GRID2: variants seen among roughly 807,000 people sequenced by gnomAD.
The protein encoded by GRID2 is glutamate ionotropic receptor delta type subunit 2, also known as glutamate receptor ionotropic, delta-2.
GRID2 carries 33 observed loss-of-function variants against 114.8 expected under a neutral mutation model. The observed-to-expected ratio is 0.29, with a 90% confidence interval of 0.22 to 0.38. The LOEUF is 0.38. GRID2 is among the 10% of genes least tolerant of loss of function. GRID2 has a pLI of 1.00. For synonymous variants in GRID2, 505 were observed against 449.9 expected (o/e 1.12, Z -1.55); for missense variants, 1,184 against 1,257.7 (o/e 0.94, Z 0.89).
chr4:93,218,714 A>G (rs911137618), intron 6 of GRID2, among the ~76,000 whole-genome samples: 4 of 152,084 alleles, frequency 2.6e-5, no homozygotes, highest in African/African-American at 9.7e-5. Context: ...TTCCACCCTT[A>G]TCTATATGTG....
At chr4:92,415,331 T>G (rs1731543372) in intron 1 of GRID2, among the ~76,000 whole-genome samples, 1 of 151,942 alleles carries the variant, frequency 6.6e-6, no homozygotes, top group Non-Finnish European at 1.5e-5. Flanking sequence ...TTATTATTAT[T>G]ATTTTAATAG....
chr4:92,439,251 A>G (rs1189619184), intron 1 of GRID2, among the ~76,000 whole-genome samples: 4 of 151,982 alleles, frequency 2.6e-5, no homozygotes, highest in Non-Finnish European at 4.4e-5. Flanking sequence ...AGGACCGGCC[A>G]TTTACACTTC....
At chr4:93,512,519 A>G (rs928021120) in intron 12 of GRID2, among the ~76,000 whole-genome samples, 1 of 152,046 alleles carries the variant, frequency 6.6e-6, no homozygotes, top group Non-Finnish European at 1.5e-5. Flanking sequence ...CTTTGGTGCT[A>G]TCTTAGTGTG....
At chr4:93,132,423 T>C (rs1256509161) in intron 4 of GRID2, among the ~76,000 whole-genome samples, 1 of 152,188 alleles carries the variant, frequency 6.6e-6, no homozygotes, top group Non-Finnish European at 1.5e-5. Context: ...TCAGGTTGCT[T>C]CACTTCCTGG....
intron 2 of GRID2, among the ~76,000 whole-genome samples, chr4:92,765,516 T>C (rs187739648): frequency 0.011 from 1,620 of 152,268 alleles, 12 homozygotes; most frequent in Non-Finnish European, 0.016. Flanking sequence ...CAAGCTATTT[T>C]TTTTTTTTGA....
At chr4:93,682,705 C>G (rs146030002) in intron 14 of GRID2, among the ~76,000 whole-genome samples, 349 of 150,118 alleles carry the variant, frequency 2.3e-3, no homozygotes, top group Non-Finnish European at 2.7e-3. Flanking sequence ...ACCATATGTT[C>G]TCACTCATAG....
chr4:93,519,989 A>C (rs2149496885), intron 13 of GRID2, among the ~76,000 whole-genome samples: 1 of 152,242 alleles, frequency 6.6e-6, no homozygotes, highest in African/African-American at 2.4e-5. Context: ...GAAGTATTAA[A>C]ATGGAAGCCA....
chr4:93,114,832 G>A (rs997234245), intron 4 of GRID2, among the ~76,000 whole-genome samples: 30 of 152,294 alleles, frequency 2.0e-4, no homozygotes, highest in African/African-American at 7.0e-4. Context: ...AATTATTTCT[G>A]TGTGACCTAG....
At chr4:93,129,367 G>A (rs570437640) in intron 4 of GRID2, among the ~76,000 whole-genome samples, 1 of 152,000 alleles carries the variant, frequency 6.6e-6, no homozygotes, top group Non-Finnish European at 1.5e-5. Flanking sequence ...TTGTTTGTTT[G>A]TTTGTTTTTG....
intron 1 of GRID2, among the ~76,000 whole-genome samples, chr4:93,801,160 TTAATC>T (rs1578802103): frequency 6.6e-6 from 1 of 152,118 alleles, no homozygotes; most frequent in Non-Finnish European, 1.5e-5. Flanking sequence ...AAGTAAGCAA[TTAATC>T]TAATTTATAT....
intron 8 of GRID2, among the ~76,000 whole-genome samples, chr4:93,272,357 A>G (rs182774727): frequency 2.6e-5 from 4 of 152,354 alleles, no homozygotes; most frequent in African/African-American, 7.2e-5. Flanking sequence ...GACAGAGACT[A>G]TTAGGAACCA....
intron 2 of GRID2, among the ~76,000 whole-genome samples, chr4:92,731,851 A>G (rs1445189145): frequency 1.3e-5 from 2 of 151,942 alleles, no homozygotes; most frequent in Non-Finnish European, 2.9e-5. Context: ...TCATATTTCA[A>G]CTTGATTATT....
intron 9 of GRID2, among the ~76,000 whole-genome samples, chr4:93,408,356 A>T (rs970854520): frequency 7.0e-6 from 1 of 141,928 alleles, no homozygotes; most frequent in South Asian, 2.4e-4. Flanking sequence ...AATAAATAGG[A>T]CTAATGCTCA....
intron 2 of GRID2, among the ~76,000 whole-genome samples, chr4:92,678,051 A>G (rs1189711878): frequency 6.6e-6 from 1 of 152,082 alleles, no homozygotes; most frequent in African/African-American, 2.4e-5. Context: ...TGCACTCATT[A>G]TGTCCTGTCC....
chr4:93,356,053 A>G (rs1175252758), intron 8 of GRID2, among the ~76,000 whole-genome samples: 1 of 152,126 alleles, frequency 6.6e-6, no homozygotes, highest in Non-Finnish European at 1.5e-5. Context: ...AGAAAGAAAG[A>G]ACACTGTAAA....
chr4:92,449,710 T>TATATATATA (rs1266661271), intron 1 of GRID2, among the ~76,000 whole-genome samples: 3 of 131,720 alleles, frequency 2.3e-5, no homozygotes, highest in African/African-American at 8.7e-5. Context: ...TATATATATA[T>TATATATATA]AACACTTAAG....
At position 93,332,297 on chromosome 4, in the gene GRID2, T is replaced by TGAGAGAGA. The variant is rs1255976950; in HGVS notation, c.1246-63309_1246-63308insAGAGAGAG. On this transcript the variant is annotated intron_variant, in intron 8 of 15. Coordinates refer to ENST00000282020, the MANE Select transcript of GRID2 (RefSeq NM_001510.4). Reference sequence around the variant, plus strand: ...GTGTGTGTGTGTGTGTGTGTGTGTGTGTGAGAGAGAGAGAGAGAGAGAGAG... The same window carrying TGAGAGAGA: ...GTGTGTGTGTGTGTGTGTGTGTGTGTGAGAGAGAGTGAGAGAGAGAGAGAGAGAGAGAG... Among the ~76,000 whole-genome samples, 514 of 133,006 alleles carry TGAGAGAGA rather than the reference T, an allele frequency of 3.9e-3. 3 individuals carry two copies. Among genetic ancestry groups the TGAGAGAGA allele is most frequent in the African/African-American group, 0.014 (436 of 31,308 alleles). 87.3% of individuals were successfully genotyped at this position (133,006 alleles called of 152,430 possible).
chr4:92,910,496 T>C (rs895131629), intron 2 of GRID2, among the ~76,000 whole-genome samples: 2 of 152,170 alleles, frequency 1.3e-5, no homozygotes, highest in Non-Finnish European at 2.9e-5. Flanking sequence ...AGAACATTTT[T>C]GTAGAGACAG....
chr4:93,075,405 A>G (rs1359788195), intron 2 of GRID2, among the ~76,000 whole-genome samples: 3 of 152,210 alleles, frequency 2.0e-5, no homozygotes, highest in Middle Eastern at 6.3e-3. Flanking sequence ...TTCCCTAAAA[A>G]TCAGGAAAAG....
Sources: gnomAD v4.1 joint callset for allele counts (sites outside exome capture counted in the v4.1 genomes callset) on GRCh38, gnomAD v4.1.1 for gene constraint, MANE v1.5 for transcripts, NCBI Gene and HGNC (gene_info 2026-07-23, HGNC 2026-07-21) for gene names.